ABAT: variants seen among roughly 807,000 people sequenced by gnomAD.
The protein encoded by ABAT is 4-aminobutyrate aminotransferase, mitochondrial.
ABAT carries 45 observed loss-of-function variants against 64.6 expected under a neutral mutation model. The observed-to-expected ratio is 0.70, with a 90% CI of 0.55 to 0.89. ABAT has a LOEUF of 0.89. ABAT is among the 40% of genes least tolerant of loss of function. The probability of loss-of-function intolerance (pLI) is 0.00; values close to 1 mark genes in which losing one functional copy is unlikely to be tolerated. For synonymous variants in ABAT, 297 were observed against 250.5 expected (o/e 1.19, Z -1.75); for missense variants, 633 against 658.4 (o/e 0.96, Z 0.42).
chr16:8,780,865 C>T (rs755343998), intron 15 of ABAT: 12 of 372,638 alleles, frequency 3.2e-5, no homozygotes, highest in South Asian at 8.4e-5. Flanking sequence ...GTCCCTCCTC[C>T]GTAATAGCTC....
intron 2 of ABAT, 146 bp downstream of exon 2, chr16:8,735,955 A>G (rs2058915798): frequency 2.8e-6 from 2 of 704,972 alleles, no homozygotes; most frequent in South Asian, 1.6e-5. Context: ...GTCTGTTCTC[A>G]TGCTGCTAAT....
intron 1 of ABAT, among the ~76,000 whole-genome samples, chr16:8,703,770 G>A (rs1158669392): frequency 1.3e-5 from 2 of 152,294 alleles, no homozygotes; most frequent in South Asian, 2.1e-4. Flanking sequence ...ATGCCTACAT[G>A]GGGGACCAGC....
chr16:8,733,085 C>A (rs1413621767), intron 1 of ABAT, among the ~76,000 whole-genome samples: 13 of 144,964 alleles, frequency 9.0e-5, no homozygotes, highest in Middle Eastern at 3.5e-3. Context: ...CTGACCCCCC[C>A]ACCTCCCTCC....
At chr16:8,715,313 CA>C (rs1355122580) in intron 1 of ABAT, 4 of 151,992 alleles carry the variant, frequency 2.6e-5, no homozygotes, top group South Asian at 4.2e-4. Flanking sequence ...AAGCCTGGAT[CA>C]GGGGAACAGA....
rs755955325 is a variant in ABAT, at chr16:8,772,804, C to T, written c.841C>T (p.Arg281Trp). The stretch of plus-strand genomic sequence containing the variant: ...GGTGGAGGATCTGATTGTGAAATAT[C>T]GGAAAAAGAAGAAGACGGTGGCCGG... ...EEVEDLIVKY[R>W]KKKKTVAGII... The change falls in exon 12 of 16, where the codon CGG (arginine) becomes TGG (tryptophan). Residue 281 changes from arginine (R) to tryptophan (W), a missense_variant. By Grantham distance (101) the Arg-to-Trp change is moderately radical (BLOSUM62 -3). Coordinates refer to ENST00000268251, the MANE Select transcript of ABAT (RefSeq NM_020686.6). The T allele has an allele frequency of 4.3e-6, 7 of 1,613,976 alleles. No individual in the cohort carries two copies. The highest frequency in any genetic ancestry group is 5.1e-6 in the Non-Finnish European group (6 of 1,180,028).
At position 8,742,010 on chromosome 16, in the gene ABAT, C is replaced by G. The variant is rs139154423; in HGVS notation, c.71-3991C>G. Among the ~76,000 whole-genome samples, 280 of 152,370 alleles carry G rather than the reference C, an allele frequency of 1.8e-3. 1 individual carries two copies. The highest frequency in any genetic ancestry group is 6.3e-3 in the African/African-American group (264 of 41,594). On this transcript the variant is annotated intron_variant, in intron 2 of 15. Transcript: ENST00000268251. ...TATGTGTTAATTTCCCCATTCCCCC[C>G]CTTTCTGATAGCGCAGTTGCAAACA...
intron 1 of ABAT, among the ~76,000 whole-genome samples, chr16:8,716,054 G>A (rs897230369): frequency 1.3e-5 from 2 of 152,180 alleles, no homozygotes; most frequent in Non-Finnish European, 2.9e-5. Flanking sequence ...CCAGTGCCCA[G>A]GCTGGGCACT....
At chr16:8,721,087 C>T (rs8052663) in intron 1 of ABAT, among the ~76,000 whole-genome samples, 3 of 152,156 alleles carry the variant, frequency 2.0e-5, no homozygotes, top group Non-Finnish European at 4.4e-5. Flanking sequence ...TCCCATTTTA[C>T]AGATCAGGAA....
chr16:8,717,991 G>T (rs2058260917), intron 1 of ABAT, among the ~76,000 whole-genome samples: 2 of 152,080 alleles, frequency 1.3e-5, no homozygotes, highest in South Asian at 4.1e-4. Flanking sequence ...ATTTCTCTGT[G>T]CAAGGAAACA....
At chr16:8,693,262 A>G (rs1010567822) in intron 1 of ABAT, among the ~76,000 whole-genome samples, 2 of 152,162 alleles carry the variant, frequency 1.3e-5, no homozygotes, top group African/African-American at 4.8e-5. Flanking sequence ...GCCTCTACGT[A>G]TATTTTATGC....
intron 2 of ABAT, among the ~76,000 whole-genome samples, chr16:8,739,654 G>T (rs547454973): frequency 6.6e-6 from 1 of 152,194 alleles, no homozygotes; most frequent in African/African-American, 2.4e-5. Flanking sequence ...AGGAGGCGGA[G>T]GTTATGGTTC....
chr16:8,674,802 G>T (rs559387602), intron 1 of ABAT, 91 bp downstream of exon 1: 1 of 152,240 alleles, frequency 6.6e-6, no homozygotes, highest in Admixed American at 6.5e-5. Context: ...AGCAAAACCT[G>T]GGCATCTTCT....
At chr16:8,675,876 G>C (rs552972625) in intron 1 of ABAT, among the ~76,000 whole-genome samples, 1 of 152,170 alleles carries the variant, frequency 6.6e-6, no homozygotes, top group African/African-American at 2.4e-5. Context: ...CCCCCCTAAA[G>C]TGTGCACCCC....
At chr16:8,700,881 C>T (rs892967137) in intron 1 of ABAT, among the ~76,000 whole-genome samples, 15 of 151,486 alleles carry the variant, frequency 9.9e-5, no homozygotes, top group Admixed American at 2.6e-4. Context: ...GCTGGCATTA[C>T]AGGCATGAGC....
At chr16:8,715,574 C>T (rs2058190767) in intron 1 of ABAT, 1 of 146,250 alleles carries the variant, frequency 6.8e-6, no homozygotes, top group Non-Finnish European at 1.5e-5. Flanking sequence ...TGCAGTGAGC[C>T]ATGAGCCATG....
chr16:8,686,857 G>C (rs1225772003), intron 1 of ABAT, among the ~76,000 whole-genome samples: 1 of 152,194 alleles, frequency 6.6e-6, no homozygotes, highest in Non-Finnish European at 1.5e-5. Context: ...AGAAAGACTT[G>C]AAAAGTCATC....
chr16:8,775,659 T>C (rs2060246969), intron 13 of ABAT, among the ~76,000 whole-genome samples: 4 of 152,148 alleles, frequency 2.6e-5, no homozygotes, highest in South Asian at 2.1e-4. Context: ...TGGTCCAAAA[T>C]GGCTTCTGAT....
At chr16:8,691,325 G>C (rs1420418606) in intron 1 of ABAT, among the ~76,000 whole-genome samples, 1 of 152,178 alleles carries the variant, frequency 6.6e-6, no homozygotes. Context: ...GTTGGGATTT[G>C]AACCCCTTCA....
chr16:8,754,722 C>CTTTCTTTCTTTCT (rs1555490653), intron 5 of ABAT, among the ~76,000 whole-genome samples: 1 of 133,060 alleles, frequency 7.5e-6, no homozygotes, highest in Non-Finnish European at 1.6e-5. Flanking sequence ...TTCTTTCTTT[C>CTTTCTTTCTTTCT]TTTTTTTTTT....
Sources: allele counts gnomAD v4.1 joint callset (sites outside exome capture counted in the v4.1 genomes callset), GRCh38; gene constraint gnomAD v4.1.1; transcripts MANE v1.5; gene names NCBI Gene and HGNC (gene_info 2026-07-23, HGNC 2026-07-21).